Variants in TCF7L2 observed in about 807,000 individuals in gnomAD.
TCF7L2 encodes transcription factor 7 like 2.
A neutral mutation model predicts 77.9 loss-of-function variants in TCF7L2; 23 were observed. The observed-to-expected ratio is 0.30, with a 90% CI of 0.21 to 0.42. The LOEUF (loss-of-function observed/expected upper bound fraction) is 0.42, where lower values mean the gene tolerates loss of function less well. Ranked by LOEUF, TCF7L2 falls within the 10% of genes least tolerant of loss-of-function variation. The pLI, the probability that TCF7L2 is intolerant of heterozygous loss-of-function variation, is 1.00. For synonymous variants in TCF7L2, 413 were observed against 340.2 expected (o/e 1.21, Z -2.36); for missense variants, 654 against 793.1 (o/e 0.82, Z 2.11).
At chr10:113,141,808 A>G (rs957196453) in intron 6 of TCF7L2, among the ~76,000 whole-genome samples, 4 of 152,206 alleles carry the variant, frequency 2.6e-5, no homozygotes, top group African/African-American at 9.6e-5. Context: ...GTATAGCCTC[A>G]AAAAGCCACA....
intron 5 of TCF7L2, among the ~76,000 whole-genome samples, chr10:113,109,676 C>T (rs114196672): frequency 7.4e-4 from 113 of 152,348 alleles, no homozygotes; most frequent in African/African-American, 2.7e-3. Flanking sequence ...CAGGCATGAG[C>T]CACTGTGCTG....
intron 5 of TCF7L2, among the ~76,000 whole-genome samples, chr10:113,045,055 A>G (rs2053182901): frequency 6.6e-6 from 1 of 152,128 alleles, no homozygotes; most frequent in Admixed American, 6.5e-5. Context: ...GTAGATGGAG[A>G]TGCTTCACTG....
chr10:113,052,619 C>T (rs1346937068), intron 5 of TCF7L2, among the ~76,000 whole-genome samples: 2 of 152,230 alleles, frequency 1.3e-5, no homozygotes, highest in Admixed American at 1.3e-4. Context: ...GACTGTGGCT[C>T]AGCTGGCCTG....
chr10:112,993,852 C>G (rs113224280), intron 4 of TCF7L2, among the ~76,000 whole-genome samples: 1 of 151,984 alleles, frequency 6.6e-6, no homozygotes, highest in Admixed American at 6.5e-5. Context: ...GTCAGGAGTT[C>G]GAGACCAGCT....
intron 13 of TCF7L2, among the ~76,000 whole-genome samples, chr10:113,161,954 A>T (rs115961347): frequency 0.021 from 3,132 of 152,268 alleles, 110 homozygotes; most frequent in African/African-American, 0.071. Context: ...ATTCTGTGAG[A>T]TGGTAGTGTT....
At chr10:112,967,729 A>G (rs1014161358) in intron 4 of TCF7L2, among the ~76,000 whole-genome samples, 2 of 147,374 alleles carry the variant, frequency 1.4e-5, no homozygotes, top group East Asian at 4.0e-4. Flanking sequence ...TCCGCCTCCC[A>G]GGTTCAAGTG....
At chr10:112,982,653 C>T (rs1026750851) in intron 4 of TCF7L2, among the ~76,000 whole-genome samples, 2 of 152,192 alleles carry the variant, frequency 1.3e-5, no homozygotes, top group Non-Finnish European at 2.9e-5. Flanking sequence ...TGGAGTCTCA[C>T]TCTGTTGCCC....
At chr10:112,985,009 C>G (rs2041222085) in intron 4 of TCF7L2, among the ~76,000 whole-genome samples, 1 of 152,124 alleles carries the variant, frequency 6.6e-6, no homozygotes, top group African/African-American at 2.4e-5. Flanking sequence ...CCGCCCTGAG[C>G]CTTAGTTTTA....
intron 5 of TCF7L2, among the ~76,000 whole-genome samples, chr10:113,115,395 C>T (rs1459500131): frequency 6.6e-6 from 1 of 152,122 alleles, no homozygotes; most frequent in East Asian, 1.9e-4. Flanking sequence ...AATGAGTTTT[C>T]CTGAATTTTT....
At chr10:112,962,599 T>C (rs1454999357) in intron 3 of TCF7L2, among the ~76,000 whole-genome samples, 1 of 152,112 alleles carries the variant, frequency 6.6e-6, no homozygotes, top group Admixed American at 6.5e-5. Context: ...ACTTATTTAT[T>C]TTTATTTTTT....
intron 4 of TCF7L2, among the ~76,000 whole-genome samples, chr10:112,967,515 G>T (rs1331200296): frequency 6.6e-6 from 1 of 152,130 alleles, no homozygotes. Flanking sequence ...GCTATGTTTA[G>T]ATCTTTCCTA....
chr10:113,159,549 GGAAAGCA>G (rs1210913014), intron 12 of TCF7L2, among the ~76,000 whole-genome samples: 2 of 151,916 alleles, frequency 1.3e-5, no homozygotes, highest in Non-Finnish European at 2.9e-5. Context: ...GAGAAAAAAG[GGAAAGCA>G]GAACTAAAAG....
chr10:113,036,454 C>CT (rs2051271168), intron 4 of TCF7L2, among the ~76,000 whole-genome samples: 1 of 152,068 alleles, frequency 6.6e-6, no homozygotes, highest in African/African-American at 2.4e-5. Context: ...TCACCTTTTT[C>CT]TTTTTGCTGG....
intron 4 of TCF7L2, among the ~76,000 whole-genome samples, chr10:113,004,177 A>G (rs529588931): frequency 6.6e-6 from 1 of 152,302 alleles, no homozygotes; most frequent in African/African-American, 2.4e-5. Flanking sequence ...CTGTAAGTAG[A>G]GAAGTCTCCG....
intron 5 of TCF7L2, 108 bp downstream of exon 5, chr10:113,040,234 A>G: frequency 1.1e-6 from 1 of 939,796 alleles, no homozygotes; most frequent in Non-Finnish European, 1.6e-6. Flanking sequence ...TTCTTTAAAC[A>G]CATTTTCTTT....
intron 3 of TCF7L2, among the ~76,000 whole-genome samples, chr10:112,957,748 A>C (rs375305368): frequency 6.6e-6 from 1 of 152,116 alleles, no homozygotes; most frequent in Non-Finnish European, 1.5e-5. Context: ...TGTGTTTCCT[A>C]TCAGTTACTG....
intron 4 of TCF7L2, among the ~76,000 whole-genome samples, chr10:113,029,226 T>C (rs1405226061): frequency 2.0e-5 from 3 of 152,176 alleles, no homozygotes; most frequent in Non-Finnish European, 4.4e-5. Context: ...CAACTGCTCT[T>C]CTGTTGTTTT....
At chr10:113,117,990 A>T (rs1375264850) in intron 5 of TCF7L2, among the ~76,000 whole-genome samples, 1 of 126,658 alleles carries the variant, frequency 7.9e-6, no homozygotes, top group Non-Finnish European at 1.6e-5. Flanking sequence ...ATAAATAAAT[A>T]ATAAAATAAA....
At chr10:113,013,292 T>C (rs2046779769) in intron 4 of TCF7L2, among the ~76,000 whole-genome samples, 1 of 152,124 alleles carries the variant, frequency 6.6e-6, no homozygotes, top group African/African-American at 2.4e-5. Context: ...CTAAGTTTTG[T>C]CTTTTTAGTA....
Sources: allele counts gnomAD v4.1 joint callset (sites outside exome capture counted in the v4.1 genomes callset), GRCh38; gene constraint gnomAD v4.1.1; transcripts MANE v1.5; gene names NCBI Gene and HGNC (gene_info 2026-07-23, HGNC 2026-07-21).